The following NOL10 variants were observed in gnomAD, a reference collection of about 807,000 sequenced individuals.
The protein encoded by NOL10 is nucleolar protein 10.
Under a neutral mutation model 103.5 loss-of-function variants are expected in NOL10, and 58 were observed. The observed-to-expected ratio is 0.56, with a 90% CI of 0.45 to 0.70. NOL10 has a LOEUF of 0.70. Ranked by LOEUF, NOL10 falls within the 30% of genes least tolerant of loss-of-function variation. NOL10 has a pLI of 0.00. For missense variants in NOL10, 763 were observed against 807.3 expected (o/e 0.95, Z 0.67); for synonymous variants, 287 against 282.5 (o/e 1.02, Z -0.16).
intron 13 of NOL10, among the ~76,000 whole-genome samples, chr2:10,612,897 C>CCA (rs1676645017): frequency 6.6e-6 from 1 of 151,398 alleles, no homozygotes; most frequent in African/African-American, 2.4e-5. Context: ...GGTATGGTGG[C>CCA]ATGTGCCTGT....
intron 3 of NOL10, among the ~76,000 whole-genome samples, chr2:10,680,905 T>A (rs558732458): frequency 4.0e-4 from 61 of 152,348 alleles, no homozygotes; most frequent in African/African-American, 1.4e-3. Flanking sequence ...TTGATAACGA[T>A]AAATACTGTT....
chr2:10,599,385 G>A (rs1021528662), intron 17 of NOL10, among the ~76,000 whole-genome samples: 3 of 152,178 alleles, frequency 2.0e-5, no homozygotes, highest in African/African-American at 7.2e-5. Flanking sequence ...CCCTAATCAT[G>A]CTTAGGCTTA....
chr2:10,602,613 C>T (rs1438724069), intron 16 of NOL10, among the ~76,000 whole-genome samples, 163 bp downstream of exon 16: 1 of 152,120 alleles, frequency 6.6e-6, no homozygotes, highest in Non-Finnish European at 1.5e-5. Context: ...TCATGACAAA[C>T]ATGACACACT....
At chr2:10,670,456 C>G (rs988097295) in intron 6 of NOL10, among the ~76,000 whole-genome samples, 1 of 152,022 alleles carries the variant, frequency 6.6e-6, no homozygotes, top group Non-Finnish European at 1.5e-5. Flanking sequence ...AAAACAGGGC[C>G]GGGCACCGTG....
At chr2:10,593,372 G>C (rs1369648565) in intron 17 of NOL10, among the ~76,000 whole-genome samples, 2 of 152,042 alleles carry the variant, frequency 1.3e-5, no homozygotes, top group African/African-American at 4.8e-5. Flanking sequence ...CTTCTGACCT[G>C]GTGATTCGCC....
chr2:10,651,273 C>T (rs1383934922), intron 12 of NOL10, among the ~76,000 whole-genome samples: 1 of 152,118 alleles, frequency 6.6e-6, no homozygotes, highest in African/African-American at 2.4e-5. Flanking sequence ...TCAACAATCC[C>T]CGCTACACTG....
chr2:10,596,229 G>A (rs715246), intron 17 of NOL10, among the ~76,000 whole-genome samples: 71,907 of 124,532 alleles, frequency 0.58, 21,098 homozygotes, highest in African/African-American at 0.72. Flanking sequence ...GACTAGTTTC[G>A]GAAGACAAGT....
chr2:10,630,978 CCAAA>C (rs1460010160), intron 13 of NOL10, among the ~76,000 whole-genome samples: 2 of 152,112 alleles, frequency 1.3e-5, no homozygotes, highest in Admixed American at 6.5e-5. Context: ...CACTACCTTC[CCAAA>C]CAAAGAGAAT....
In NOL10 at chr2:10,607,270, G is replaced by A. The variant is rs1676310825; in HGVS notation, c.1068C>T (p.Asn356=). Residue 356 remains asparagine, a synonymous_variant, in exon 14 of 21, where the codon AAC becomes AAT. Coordinates refer to ENST00000381685, the MANE Select transcript of NOL10 (RefSeq NM_024894.4). The part of the protein sequence containing the change: ...PAPRWCSFLD[N]LTEELEENPE... ...GATTCTCTTCTAATTCTTCGGTCAAGTTGTCTAAGAAGGAACACCACCGAG... is the reference window on the plus strand; with the variant it reads ...GATTCTCTTCTAATTCTTCGGTCAAATTGTCTAAGAAGGAACACCACCGAG... 6.2e-7 allele frequency: 1 copy of A among 1,608,862 alleles called. No homozygotes were observed. Among genetic ancestry groups the A allele is most frequent in the Non-Finnish European group, 8.5e-7 (1 of 1,177,502 alleles).
chr2:10,575,044 G>A (rs865965068), intron 20 of NOL10, among the ~76,000 whole-genome samples: 5 of 152,234 alleles, frequency 3.3e-5, no homozygotes, highest in Admixed American at 6.5e-5. Flanking sequence ...GGCCATTAGC[G>A]CTTCTCCTGG....
At chr2:10,682,635 A>C (rs1681860129) in intron 2 of NOL10, among the ~76,000 whole-genome samples, 1 of 151,654 alleles carries the variant, frequency 6.6e-6, no homozygotes, top group Admixed American at 6.6e-5. Context: ...TCTAGGGCCA[A>C]GCAATCCTCA....
intron 12 of NOL10, among the ~76,000 whole-genome samples, chr2:10,653,515 T>C (rs1256578700): frequency 6.6e-6 from 1 of 152,054 alleles, no homozygotes; most frequent in Non-Finnish European, 1.5e-5. Flanking sequence ...GAAAGCACAG[T>C]CGGAACAAGT....
chr2:10,667,395 T>C (rs1358194523), intron 7 of NOL10, 117 bp from the exon 8 acceptor site: 2 of 752,618 alleles, frequency 2.7e-6, no homozygotes, highest in Admixed American at 4.3e-5. Context: ...GACACACAGA[T>C]TCTCTCTTAC....
At chr2:10,585,461 C>T (rs1307709877) in intron 19 of NOL10, among the ~76,000 whole-genome samples, 1 of 152,142 alleles carries the variant, frequency 6.6e-6, no homozygotes, top group Non-Finnish European at 1.5e-5. Context: ...AAAACATATG[C>T]AAAACACATG....
rs1674413827 is a variant in NOL10 at position 10,575,587 on chromosome 2, T to G, written c.1947+2049A>C. Reference sequence around the variant, plus strand: ...CTTTTTTTATAAACAAAAATATAATTTCAGAGCCATCTTATTTTCATTTTA... The same window carrying G: ...CTTTTTTTATAAACAAAAATATAATGTCAGAGCCATCTTATTTTCATTTTA... On this transcript the variant is annotated intron_variant, in intron 20 of 20. Coordinates refer to ENST00000381685, the MANE Select transcript of NOL10 (RefSeq NM_024894.4). Among the ~76,000 whole-genome samples the G allele has an allele frequency of 2.0e-5, 3 of 152,210 alleles. No individual in the cohort carries two copies. The South Asian group carries it at 6.2e-4, about 32-fold the overall frequency.
intron 3 of NOL10, among the ~76,000 whole-genome samples, chr2:10,679,254 G>A (rs910958546): frequency 2.0e-5 from 3 of 151,734 alleles, no homozygotes; most frequent in Admixed American, 6.6e-5. Context: ...AGCTACTCAG[G>A]AGGCTGTGGC....
chr2:10,577,717 C>T lies in NOL10; in HGVS notation c.1866G>A (p.Leu622=). Residue 622 remains leucine, a synonymous_variant, in exon 20 of 21, where the codon TTG becomes TTA. Transcript: ENST00000381685. ...ATGTCCCATTTTTTGCTTCAATTTT[C>T]AAACGATCTTCAAGGGTTTTGCTAT... is the stretch of plus-strand genomic sequence containing the variant. ...KLMNKTLEDR[L]KIEAKNGTLS... 6.2e-7 allele frequency: 1 copy of T among 1,610,442 alleles called. No individual in the cohort carries two copies.
chr2:10,637,243 T>C (rs1001147779), intron 13 of NOL10, among the ~76,000 whole-genome samples: 3 of 139,436 alleles, frequency 2.2e-5, no homozygotes, highest in Admixed American at 2.1e-4. Flanking sequence ...CAAAAACCCT[T>C]ACAGAAAAAA....
chr2:10,628,671 A>T (rs536911063), intron 13 of NOL10, among the ~76,000 whole-genome samples: 34 of 152,200 alleles, frequency 2.2e-4, no homozygotes, highest in Non-Finnish European at 5.0e-4. Flanking sequence ...GAATAGGACC[A>T]GATACAGCAG....
Sources: gnomAD v4.1 joint callset for allele counts (sites outside exome capture counted in the v4.1 genomes callset) on GRCh38, gnomAD v4.1.1 for gene constraint, MANE v1.5 for transcripts, NCBI Gene and HGNC (gene_info 2026-07-23, HGNC 2026-07-21) for gene names.